MXRA8: variants seen among roughly 807,000 people sequenced by gnomAD.
The protein encoded by MXRA8 is matrix remodeling-associated protein 8.
MXRA8 carries 44 observed loss-of-function variants against 51.4 expected under a neutral mutation model. That is an observed-to-expected ratio of 0.86 (90% CI 0.67 to 1.10). The LOEUF (loss-of-function observed/expected upper bound fraction) is 1.10, where lower values mean the gene tolerates loss of function less well. Ranked by LOEUF, MXRA8 falls within the 50% of genes least tolerant of loss-of-function variation. The probability of loss-of-function intolerance (pLI) is 0.00; values close to 1 mark genes in which losing one functional copy is unlikely to be tolerated. For missense variants in MXRA8, 765 were observed against 638.9 expected (o/e 1.20, Z -2.13); for synonymous variants, 369 against 293.5 (o/e 1.26, Z -2.63).
rs1462190276 is a variant in MXRA8, at chr1:1,355,953, C to T, written c.74-201G>A. On this transcript the variant is annotated intron_variant, in intron 2 of 9. Transcript: ENST00000309212. ...GGCCTGGATAGGGGAGGGGGAGTCA[C>T]TGGGGGAGGGGCGGACCCTGATGGT... Among the ~76,000 whole-genome samples, 25 of 16,686 alleles carry T rather than the reference C, an allele frequency of 1.5e-3. 1 individual carries two copies. Among genetic ancestry groups the T allele is most frequent in the African/African-American group, 6.7e-3 (25 of 3,708 alleles). 10.9% of individuals were successfully genotyped at this position (16,686 alleles called of 152,430 possible).
chr1:1,354,575 C>T (rs977593293), intron 5 of MXRA8, 66 bp from the exon 6 acceptor site: 2 of 1,573,210 alleles, frequency 1.3e-6, no homozygotes, highest in African/African-American at 1.4e-5. Context: ...ACCCGGGCCA[C>T]GGCCCCCGCT....
At position 1,353,561 on chromosome 1, in the gene MXRA8, G is replaced by A. The variant is rs867158781; in HGVS notation, c.*43C>T. On this transcript the variant is annotated 3_prime_UTR_variant, in exon 10 of 10. Coordinates refer to ENST00000309212, the MANE Select transcript of MXRA8 (RefSeq NM_032348.4). Reference sequence around the variant, plus strand: ...GGAGATGCCCCGAGGAGCACAGACAGGAGAGGTGCAGCTGCTGGCCCAGCC... The same window carrying A: ...GGAGATGCCCCGAGGAGCACAGACAAGAGAGGTGCAGCTGCTGGCCCAGCC... The A allele has an allele frequency of 2.1e-5, 33 of 1,553,252 alleles. No homozygotes were observed. Among genetic ancestry groups the A allele is most frequent in the Non-Finnish European group, 2.7e-5 (31 of 1,148,240 alleles).
In MXRA8 at chr1:1,353,375, G is replaced by A. The variant is rs1399525216; in HGVS notation, c.*229C>T. On this transcript the variant is annotated 3_prime_UTR_variant, in exon 10 of 10. Coordinates refer to ENST00000309212, the MANE Select transcript of MXRA8 (RefSeq NM_032348.4). ...ATCAGTGGGATTTTGGTTGTGCCAGGGGTGGGCAGGGCCACCCGTGAGCAA... is the reference window on the plus strand; with the variant it reads ...ATCAGTGGGATTTTGGTTGTGCCAGAGGTGGGCAGGGCCACCCGTGAGCAA... 2.6e-6 allele frequency: 4 copies of A among 1,545,506 alleles called. No homozygotes were observed. Among genetic ancestry groups the A allele is most frequent in the East Asian group, 2.5e-5 (1 of 40,800 alleles).
upstream of MXRA8, chr1:1,361,437 TC>T (rs1338466475): frequency 2.5e-5 from 16 of 631,862 alleles, no homozygotes; most frequent in South Asian, 1.0e-4. Context: ...GAGACAGGGG[TC>T]GGGGGGCGCC....
At chr1:1,363,235 A>G (rs1215157886), upstream of MXRA8, among the ~76,000 whole-genome samples, 4 of 152,088 alleles carry the variant, frequency 2.6e-5, no homozygotes, top group African/African-American at 9.7e-5. Context: ...GTGAGCCGAG[A>G]TTGTGCCATT....
At position 1,358,545 on chromosome 1, in the gene MXRA8, A is replaced by G. The variant is rs1317997831; in HGVS notation, c.-41T>C. On this transcript the variant is annotated 5_prime_UTR_variant, in exon 1 of 10. Transcript: ENST00000309212. ...CCAGGCTTTGTCCCACTCGGCTCTA[A>G]GTCTCTCTCCAGAAAAACAGCCCTA... 1.1e-5 allele frequency: 18 copies of G among 1,601,604 alleles called. No homozygotes were observed. In the Admixed American group the frequency reaches 3.1e-4, roughly 28 times the overall value.
In MXRA8 at chr1:1,358,550, C is replaced by T. The variant is rs746082224; in HGVS notation, c.-46G>A. The stretch of plus-strand genomic sequence containing the variant: ...CTTTGTCCCACTCGGCTCTAAGTCT[C>T]TCTCCAGAAAAACAGCCCTACCCCC... On this transcript the variant is annotated 5_prime_UTR_variant, in exon 1 of 10. Transcript: ENST00000309212. 1.9e-6 allele frequency: 3 copies of T among 1,597,468 alleles called. No homozygotes were observed. The highest frequency in any genetic ancestry group is 8.5e-7 in the Non-Finnish European group (1 of 1,171,858).
At position 1,356,662 on chromosome 1, in the gene MXRA8, T is replaced by C; in HGVS notation, c.73+19A>G. The stretch of plus-strand genomic sequence containing the variant: ...CTGAGGGGGAGTGGGGGTGGGCAGC[T>C]GGGGCTGGGGTCACTAACCTGAGTG... On this transcript the variant is annotated intron_variant, in intron 2 of 9. Coordinates refer to ENST00000309212, the MANE Select transcript of MXRA8 (RefSeq NM_032348.4). 9.3e-7 allele frequency: 1 copy of C among 1,074,474 alleles called. No homozygotes were observed. Among genetic ancestry groups the C allele is most frequent in the Non-Finnish European group, 1.1e-6 (1 of 879,714 alleles). The allele number at this position is 1,074,474 out of a possible 1,614,324, so 66.6% of individuals were successfully genotyped here.
At chr1:1,361,281 C>A, upstream of MXRA8, 1 of 703,500 alleles carries the variant, frequency 1.4e-6, no homozygotes, top group South Asian at 1.5e-5. Flanking sequence ...TGAAGAGTCC[C>A]ACTTCCTGTC....
upstream of MXRA8, chr1:1,361,198 A>G: frequency 1.4e-6 from 1 of 703,194 alleles, no homozygotes; most frequent in Non-Finnish European, 2.6e-6. Context: ...AGAAACAGAG[A>G]CACACACAGA....
At chr1:1,356,476 C>T (rs1339263999) in intron 2 of MXRA8, among the ~76,000 whole-genome samples, 2 of 108,542 alleles carry the variant, frequency 1.8e-5, no homozygotes, top group East Asian at 2.4e-4. Context: ...GGGGGAGGGC[C>T]AGGCCCCCAA....
intron 1 of MXRA8, 62 bp downstream of exon 1, chr1:1,358,394 G>T: frequency 6.5e-7 from 1 of 1,538,944 alleles, no homozygotes; most frequent in East Asian, 2.3e-5. Context: ...GGTTTTGTCC[G>T]AAACGGACTC....
upstream of MXRA8, chr1:1,359,137 C>A: frequency 1.0e-6 from 1 of 985,368 alleles, no homozygotes; most frequent in Non-Finnish European, 1.2e-6. Flanking sequence ...GTCACTAGTC[C>A]CCTTTACAAC....
chr1:1,362,432 C>A (rs1281403486), upstream of MXRA8, among the ~76,000 whole-genome samples: 1 of 151,966 alleles, frequency 6.6e-6, no homozygotes, highest in South Asian at 2.1e-4. Context: ...CACATCGCCC[C>A]GGAATCATGA....
chr1:1,360,266 A>ACCTCTGAGAGGG (rs1420018251), upstream of MXRA8, among the ~76,000 whole-genome samples: 21 of 152,192 alleles, frequency 1.4e-4, no homozygotes, highest in African/African-American at 5.1e-4. Context: ...GAGGGCCCTG[A>ACCTCTGAGAGGG]CCTCTGAGAG....
chr1:1,360,386 C>G (rs1182291315), upstream of MXRA8, among the ~76,000 whole-genome samples: 1 of 152,116 alleles, frequency 6.6e-6, no homozygotes, highest in Non-Finnish European at 1.5e-5. Context: ...CAGTGGGAAA[C>G]AGCCACAGAG....
At position 1,355,241 on chromosome 1, in the gene MXRA8, CACGGCCGTCGGTG is replaced by C; in HGVS notation, c.468_478+2del. 1.3e-6 allele frequency: 2 copies of C among 1,553,152 alleles called. No individual in the cohort carries two copies. Among genetic ancestry groups the C allele is most frequent in the Non-Finnish European group, 1.7e-6 (2 of 1,155,920 alleles). The stretch of plus-strand genomic sequence containing the variant: ...AGCTGGGGGGCGGGGGGGAAGCACT[CACGGCCGTCGGTG>C]ACCTCCAGGCGGACGGCCAGGCTCT... On this transcript the variant is annotated splice_donor_variant and coding_sequence_variant, in exon 4 of 10. Transcript: ENST00000309212. LOFTEE classifies it high-confidence loss of function.
intron 1 of MXRA8, among the ~76,000 whole-genome samples, chr1:1,357,344 C>T (rs1644153316): frequency 1.3e-5 from 2 of 152,200 alleles, no homozygotes; most frequent in South Asian, 4.1e-4. Context: ...CATCCCCCGT[C>T]CTCGAGCTGA....
chr1:1,358,793 A>G, upstream of MXRA8: 9 of 1,186,384 alleles, frequency 7.6e-6, no homozygotes, highest in Non-Finnish European at 9.5e-6. Context: ...GTCCGAGGAC[A>G]TGGGCCCCTG....
Sources: allele counts gnomAD v4.1 joint callset (sites outside exome capture counted in the v4.1 genomes callset), GRCh38; gene constraint gnomAD v4.1.1; transcripts MANE v1.5; gene names NCBI Gene and HGNC (gene_info 2026-07-23, HGNC 2026-07-21).